The following INPP4B variants were observed in gnomAD, a reference collection of about 807,000 sequenced individuals.
The protein encoded by INPP4B is inositol polyphosphate 4-phosphatase type II.
Under a neutral mutation model 122.5 loss-of-function variants are expected in INPP4B, and 55 were observed. The ratio of observed to expected loss-of-function variants is 0.45; its 90% confidence interval spans 0.36 to 0.56. The LOEUF is 0.56. Among genes scored for constraint, INPP4B ranks in the 20% least tolerant of loss-of-function variants. The pLI is 0.00. For missense variants in INPP4B, 1,000 were observed against 1,097.7 expected (o/e 0.91, Z 1.26); for synonymous variants, 403 against 388.7 (o/e 1.04, Z -0.43).
intron 21 of INPP4B, among the ~76,000 whole-genome samples, chr4:142,119,644 C>T (rs1253389557): frequency 1.9e-4 from 23 of 119,082 alleles, no homozygotes; most frequent in Non-Finnish European, 3.2e-4. Context: ...TGGAGTCTGT[C>T]GTGGGGTGGG....
chr4:142,434,419 C>A (rs1375720056), intron 3 of INPP4B, among the ~76,000 whole-genome samples: 1 of 152,100 alleles, frequency 6.6e-6, no homozygotes, highest in Admixed American at 6.6e-5. Flanking sequence ...ATAGGAGGAA[C>A]CATCTTTCAG....
chr4:142,309,271 T>C (rs1264884012), intron 8 of INPP4B, among the ~76,000 whole-genome samples: 1 of 151,886 alleles, frequency 6.6e-6, no homozygotes, highest in Admixed American at 6.6e-5. Flanking sequence ...CTATGAGAAA[T>C]GCCTGCACTA....
chr4:142,650,823 G>T (rs1018562408), intron 2 of INPP4B, among the ~76,000 whole-genome samples: 1 of 152,078 alleles, frequency 6.6e-6, no homozygotes, highest in African/African-American at 2.4e-5. Context: ...GAGACAGAAG[G>T]TTAACAAGGA....
At chr4:142,516,519 T>C (rs187968341) in intron 2 of INPP4B, among the ~76,000 whole-genome samples, 124 of 152,254 alleles carry the variant, frequency 8.1e-4, no homozygotes, top group African/African-American at 2.8e-3. Flanking sequence ...AAGTCAGTGT[T>C]GGAGCTAGAA....
At chr4:142,442,998 C>T (rs1036601731) in intron 3 of INPP4B, among the ~76,000 whole-genome samples, 5 of 152,102 alleles carry the variant, frequency 3.3e-5, no homozygotes, top group Admixed American at 3.3e-4. Context: ...TTATTCACTA[C>T]CATGGGAACA....
chr4:142,667,920 T>C (rs1756396077), intron 2 of INPP4B, among the ~76,000 whole-genome samples: 1 of 152,174 alleles, frequency 6.6e-6, no homozygotes, highest in African/African-American at 2.4e-5. Flanking sequence ...AATTCTGCCA[T>C]CAAACAAAAG....
intron 3 of INPP4B, among the ~76,000 whole-genome samples, chr4:142,448,749 G>T (rs1355180810): frequency 6.6e-6 from 1 of 152,016 alleles, no homozygotes; most frequent in Non-Finnish European, 1.5e-5. Context: ...TTGCAACCAG[G>T]TCCCTGTGCC....
chr4:142,288,212 G>T (rs1053069430), intron 9 of INPP4B, among the ~76,000 whole-genome samples: 1 of 152,094 alleles, frequency 6.6e-6, no homozygotes, highest in African/African-American at 2.4e-5. Flanking sequence ...ATTTAATATT[G>T]GTCATTATTT....
chr4:142,535,400 C>G (rs1828067959), intron 2 of INPP4B, among the ~76,000 whole-genome samples: 1 of 152,204 alleles, frequency 6.6e-6, no homozygotes, highest in Non-Finnish European at 1.5e-5. Context: ...AATTCACTAC[C>G]TATTTCTGTG....
intron 7 of INPP4B, among the ~76,000 whole-genome samples, chr4:142,344,187 C>A (rs1165364079): frequency 1.3e-5 from 2 of 152,000 alleles, no homozygotes; most frequent in Non-Finnish European, 2.9e-5. Flanking sequence ...AGAGAAATAA[C>A]CACAGAAATA....
intron 2 of INPP4B, among the ~76,000 whole-genome samples, chr4:142,602,351 T>G (rs1740203878): frequency 6.6e-6 from 1 of 152,118 alleles, no homozygotes; most frequent in Non-Finnish European, 1.5e-5. Flanking sequence ...TAGAAAAACA[T>G]TCCATGCTCA....
intron 2 of INPP4B, among the ~76,000 whole-genome samples, chr4:142,680,230 T>A (rs954340328): frequency 2.0e-5 from 3 of 151,812 alleles, no homozygotes; most frequent in African/African-American, 7.2e-5. Flanking sequence ...TTAATTTGAG[T>A]TCCTCATTTT....
intron 18 of INPP4B, among the ~76,000 whole-genome samples, chr4:142,144,035 A>T (rs1383374505): frequency 6.6e-6 from 1 of 152,028 alleles, no homozygotes; most frequent in Non-Finnish European, 1.5e-5. Context: ...ACCATCCACA[A>T]CATTGATCTA....
intron 2 of INPP4B, among the ~76,000 whole-genome samples, chr4:142,629,172 T>C (rs1331720198): frequency 6.6e-6 from 1 of 152,008 alleles, no homozygotes; most frequent in East Asian, 1.9e-4. Context: ...AGTGAGGAGA[T>C]TCTGGGGCAT....
chr4:142,283,052 G>C (rs972034590), intron 9 of INPP4B, among the ~76,000 whole-genome samples: 6 of 152,048 alleles, frequency 3.9e-5, no homozygotes, highest in African/African-American at 7.2e-5. Context: ...TAAACTGTAG[G>C]GGGCAGAGAG....
chr4:142,749,665 T>A (rs1249970943), intron 1 of INPP4B, among the ~76,000 whole-genome samples: 1 of 151,930 alleles, frequency 6.6e-6, no homozygotes, highest in Non-Finnish European at 1.5e-5. Context: ...TTAATAGGAT[T>A]ACAAGAACAA....
chr4:142,452,876 T>C (rs1280768769), intron 3 of INPP4B, among the ~76,000 whole-genome samples: 1 of 151,972 alleles, frequency 6.6e-6, no homozygotes, highest in Admixed American at 6.6e-5. Context: ...CAAATATACT[T>C]GAAAATATAA....
In INPP4B at chr4:142,738,614, C is replaced by CAAAA. The variant is rs67923741; in HGVS notation, c.-253-12717_-253-12714dup. On this transcript the variant is annotated intron_variant, in intron 1 of 25. Transcript: ENST00000262992. Reference sequence around the variant, plus strand: ...CCTAAAACTTAAAGTATAATAAAAACAAAAAAAAAGAAGCTTCTCTTCTTA... The same window carrying CAAAA: ...CCTAAAACTTAAAGTATAATAAAAACAAAAAAAAAAAAAGAAGCTTCTCTTCTTA... Among the ~76,000 whole-genome samples, 629 of 150,528 alleles carry CAAAA rather than the reference C, an allele frequency of 4.2e-3. 2 individuals carry two copies. The highest frequency in any genetic ancestry group is 0.021 in the East Asian group (108 of 5,090).
chr4:142,578,445 G>A (rs192681564), intron 2 of INPP4B, among the ~76,000 whole-genome samples: 25 of 152,050 alleles, frequency 1.6e-4, no homozygotes, highest in African/African-American at 2.6e-4. Flanking sequence ...AGTTCTGGAC[G>A]CTAGAAGTCC....
Sources: gnomAD v4.1 joint callset for allele counts (sites outside exome capture counted in the v4.1 genomes callset) on GRCh38, gnomAD v4.1.1 for gene constraint, MANE v1.5 for transcripts, NCBI Gene and HGNC (gene_info 2026-07-23, HGNC 2026-07-21) for gene names.